The following EBF1 variants were observed in gnomAD, a reference collection of about 807,000 sequenced individuals.
The protein encoded by EBF1 is transcription factor COE1.
Under a neutral mutation model 68.4 loss-of-function variants are expected in EBF1, and 10 were observed. The observed-to-expected ratio is 0.15, with a 90% confidence interval of 0.09 to 0.25. The LOEUF (loss-of-function observed/expected upper bound fraction) is 0.25. Among genes scored for constraint, EBF1 ranks in the 10% least tolerant of loss-of-function variants. The pLI, the probability that EBF1 is intolerant of heterozygous loss-of-function variation, is 1.00. For missense variants in EBF1, 509 were observed against 794.4 expected, an observed-to-expected ratio of 0.64 and a Z score of 4.32; for synonymous variants, 298 against 299.8, an observed-to-expected ratio of 0.99 and a Z score of 0.06.
chr5:159,001,892 C>A (rs1242546471), intron 6 of EBF1, among the ~76,000 whole-genome samples: 1 of 152,144 alleles, frequency 6.6e-6, no homozygotes, highest in Non-Finnish European at 1.5e-5. Context: ...TTTCCTGAGG[C>A]CACCAAAGTA....
intron 11 of EBF1, among the ~76,000 whole-genome samples, chr5:158,716,675 A>C (rs1311587284): frequency 6.6e-6 from 1 of 152,232 alleles, no homozygotes. Context: ...TCCATGAGTT[A>C]GTGCAATGGA....
chr5:158,780,616 T>A (rs1776268297), intron 9 of EBF1, among the ~76,000 whole-genome samples: 1 of 152,160 alleles, frequency 6.6e-6, no homozygotes, highest in South Asian at 2.1e-4. Flanking sequence ...AATCTTGAAG[T>A]TAATATAAAT....
intron 11 of EBF1, among the ~76,000 whole-genome samples, chr5:158,727,052 A>T (rs1056681961): frequency 6.6e-6 from 1 of 152,350 alleles, no homozygotes; most frequent in East Asian, 1.9e-4. Context: ...CAGAGGAGAA[A>T]CCTGAAGCAT....
intron 5 of EBF1, among the ~76,000 whole-genome samples, chr5:159,083,260 C>A (rs999375731): frequency 1.3e-5 from 2 of 152,174 alleles, no homozygotes; most frequent in African/African-American, 4.8e-5. Context: ...CATGTTTTAA[C>A]ATTTTCTAAA....
chr5:159,059,365 A>G (rs1447383347), intron 6 of EBF1, among the ~76,000 whole-genome samples: 2 of 147,330 alleles, frequency 1.4e-5, no homozygotes, highest in African/African-American at 4.9e-5. Flanking sequence ...AATTTGATGA[A>G]AAAAAAAAAA....
chr5:159,089,367 A>G (rs1781230549), intron 4 of EBF1, among the ~76,000 whole-genome samples: 1 of 152,168 alleles, frequency 6.6e-6, no homozygotes, highest in Non-Finnish European at 1.5e-5. Context: ...ATCAATCAAT[A>G]TACAAAAACC....
chr5:158,847,766 A>T (rs967064993), intron 6 of EBF1, among the ~76,000 whole-genome samples: 3 of 152,178 alleles, frequency 2.0e-5, no homozygotes, highest in Non-Finnish European at 2.9e-5. Flanking sequence ...GGAACTGGGG[A>T]CAGACTGAGG....
At chr5:158,893,506 T>G (rs1013828215) in intron 6 of EBF1, among the ~76,000 whole-genome samples, 1 of 152,222 alleles carries the variant, frequency 6.6e-6, no homozygotes, top group Non-Finnish European at 1.5e-5. Flanking sequence ...TCTTGTAAGT[T>G]GTTTAGCCTT....
At chr5:159,074,649 T>C (rs1164238268) in intron 5 of EBF1, among the ~76,000 whole-genome samples, 1 of 152,210 alleles carries the variant, frequency 6.6e-6, no homozygotes, top group Non-Finnish European at 1.5e-5. Context: ...TTCACCAAAA[T>C]TGGAAAGTCT....
At chr5:159,074,450 C>G (rs1484582494) in intron 5 of EBF1, among the ~76,000 whole-genome samples, 1 of 152,208 alleles carries the variant, frequency 6.6e-6, no homozygotes, top group African/African-American at 2.4e-5. Context: ...TTACATTTCA[C>G]CAAGCACCAC....
At chr5:158,778,121 A>AAAAGGG (rs1166515729) in intron 9 of EBF1, among the ~76,000 whole-genome samples, 1 of 152,088 alleles carries the variant, frequency 6.6e-6, no homozygotes, top group South Asian at 2.1e-4. Context: ...GACTCTCCAT[A>AAAAGGG]AAAGGGAAAG....
At chr5:158,899,029 C>G (rs1235900023) in intron 6 of EBF1, among the ~76,000 whole-genome samples, 1 of 152,220 alleles carries the variant, frequency 6.6e-6, no homozygotes, top group East Asian at 1.9e-4. Flanking sequence ...AGACTGTAGA[C>G]ACACAGTATA....
At chr5:158,930,432 G>A (rs976669649) in intron 6 of EBF1, among the ~76,000 whole-genome samples, 6 of 152,146 alleles carry the variant, frequency 3.9e-5, no homozygotes, top group African/African-American at 1.2e-4. Context: ...GCCATCATGC[G>A]GCAGGTTCTG....
chr5:159,092,503 T>C (rs151167748), intron 4 of EBF1, among the ~76,000 whole-genome samples: 1 of 152,338 alleles, frequency 6.6e-6, no homozygotes, highest in African/African-American at 2.4e-5. Flanking sequence ...AATGAGACAC[T>C]TTGAAAAGGT....
chr5:158,973,906 C>T (rs746939764), intron 6 of EBF1, among the ~76,000 whole-genome samples: 1 of 152,178 alleles, frequency 6.6e-6, no homozygotes, highest in Non-Finnish European at 1.5e-5. Context: ...CCTGGGCCAG[C>T]TCCCTCAGTC....
intron 5 of EBF1, among the ~76,000 whole-genome samples, chr5:159,076,374 T>C (rs560456984): frequency 2.5e-4 from 38 of 152,168 alleles, no homozygotes; most frequent in African/African-American, 8.9e-4. Flanking sequence ...TCCCAACCCG[T>C]AGAACAAACC....
intron 1 of EBF1, among the ~76,000 whole-genome samples, chr5:159,098,410 G>C (rs1783033270): frequency 6.6e-6 from 1 of 152,148 alleles, no homozygotes; most frequent in Non-Finnish European, 1.5e-5. Flanking sequence ...CAGAATTAAA[G>C]TTGGGAGTTG....
chr5:158,786,166 CA>C (rs1030033992), intron 9 of EBF1, among the ~76,000 whole-genome samples: 8 of 148,060 alleles, frequency 5.4e-5, no homozygotes, highest in South Asian at 2.1e-4. Context: ...CAAACAACAA[CA>C]AAAAAAAAAC....
At chr5:159,041,836 G>A (rs956390989) in intron 6 of EBF1, among the ~76,000 whole-genome samples, 19 of 152,164 alleles carry the variant, frequency 1.2e-4, no homozygotes, top group African/African-American at 3.9e-4. Flanking sequence ...GTTATTTACT[G>A]CACCAAATAT....
Sources: gnomAD v4.1 joint callset for allele counts (sites outside exome capture counted in the v4.1 genomes callset) on GRCh38, gnomAD v4.1.1 for gene constraint, MANE v1.5 for transcripts, NCBI Gene and HGNC (gene_info 2026-07-23, HGNC 2026-07-21) for gene names.